Variants in NECAB2 observed in about 807,000 individuals in gnomAD.
NECAB2 encodes the protein N-terminal EF-hand calcium binding protein 2.
In NECAB2, 68 loss-of-function variants were observed where a neutral mutation model predicts 51.9. The observed-to-expected ratio is 1.31, with a 90% CI of 1.08 to 1.60. NECAB2 has a LOEUF of 1.60. NECAB2 is among the 40% of genes most tolerant of loss of function. The pLI is 0.00. For missense variants in NECAB2, 854 were observed against 490.3 expected, an observed-to-expected ratio of 1.74 and a Z score of -7.00; for synonymous variants, 329 against 203.5, an observed-to-expected ratio of 1.62 and a Z score of -5.25.
intron 1 of NECAB2, among the ~76,000 whole-genome samples, chr16:83,970,083 T>TCCCACTGAAAGTCCTGGGCAGAGCC (rs1331181814): frequency 7.9e-5 from 12 of 152,064 alleles, no homozygotes. Flanking sequence ...CCCGCAGAGC[T>TCCCACTGAAAGTCCTGGGCAGAGCC]CCCACTGAAA....
intron 5 of NECAB2, among the ~76,000 whole-genome samples, chr16:83,985,115 C>T (rs2084536045): frequency 6.6e-6 from 1 of 150,752 alleles, no homozygotes; most frequent in African/African-American, 2.4e-5. Flanking sequence ...GAGTTTGAGA[C>T]CAGCGTGGCC....
chr16:84,000,657 G>C (rs1292236038), intron 10 of NECAB2, 67 bp from the exon 11 acceptor site: 4 of 1,445,854 alleles, frequency 2.8e-6, no homozygotes, highest in Non-Finnish European at 3.9e-6. Context: ...GGCCACCCCA[G>C]GGGAACAGCA....
At chr16:83,994,157 T>C (rs2084663330) in intron 6 of NECAB2, 145 bp from the exon 7 acceptor site, 1 of 731,684 alleles carries the variant, frequency 1.4e-6, no homozygotes, top group Admixed American at 2.5e-5. Context: ...CATTTCCTCC[T>C]CTGTCAAAAC....
chr16:83,978,583 G>A (rs748344773), intron 3 of NECAB2, 31 bp downstream of exon 3: 2 of 1,551,154 alleles, frequency 1.3e-6, no homozygotes, highest in South Asian at 2.2e-5. Context: ...GCAGAGTGGG[G>A]GTGTGTGTGG....
intron 5 of NECAB2, among the ~76,000 whole-genome samples, chr16:83,982,287 C>T (rs558696819): frequency 9.8e-5 from 15 of 152,356 alleles, no homozygotes; most frequent in African/African-American, 2.6e-4. Context: ...TGGGCCTCCA[C>T]GATTCCACAT....
At position 83,990,560 on chromosome 16, in the gene NECAB2, C is replaced by T; in HGVS notation, c.526C>T (p.Gln176Ter). ...CTTCCTCCTGAAGGAGACGGCCAATCAGATCCAGTCGCTGCTGAGCTCAGT... is the reference window on the plus strand; with the variant it reads ...CTTCCTCCTGAAGGAGACGGCCAATTAGATCCAGTCGCTGCTGAGCTCAGT... ...TRFLLKETANQIQSLLSSVES... is the reference protein window; with the variant it reads ...TRFLLKETAN Residue 176 changes from glutamine (Q) to a stop codon, truncating the protein, a stop_gained, in exon 6 of 13, where the codon CAG (glutamine) becomes TAG (stop). Coordinates refer to ENST00000305202, the MANE Select transcript of NECAB2 (RefSeq NM_019065.3). LOFTEE classifies it high-confidence loss of function. The T allele has an allele frequency of 6.2e-7, 1 of 1,614,156 alleles. No individual in the cohort carries two copies. Among genetic ancestry groups the T allele is most frequent in the Non-Finnish European group, 8.5e-7 (1 of 1,180,040 alleles).
chr16:83,981,555 C>G (rs1366707111), intron 5 of NECAB2, among the ~76,000 whole-genome samples: 2 of 152,120 alleles, frequency 1.3e-5, no homozygotes, highest in African/African-American at 4.8e-5. Context: ...CTGGTTTAAT[C>G]CTCACAGCAA....
intron 5 of NECAB2, among the ~76,000 whole-genome samples, chr16:83,984,900 T>C (rs2084533693): frequency 1.3e-5 from 2 of 152,246 alleles, no homozygotes; most frequent in African/African-American, 2.4e-5. Context: ...CTTATTTATT[T>C]ATAGCTCCTA....
At chr16:83,966,200 G>A (rs534233458), upstream of NECAB2, 23 of 586,188 alleles carry the variant, frequency 3.9e-5, no homozygotes, top group South Asian at 3.0e-4. Context: ...AACAGCGGCC[G>A]CAGGCCAGGG....
chr16:83,995,067 A>AG (rs2084678246), intron 8 of NECAB2, among the ~76,000 whole-genome samples: 3 of 152,104 alleles, frequency 2.0e-5, no homozygotes, highest in African/African-American at 7.2e-5. Context: ...ACCAGGATGA[A>AG]AGAGAGACGT....
At chr16:83,984,854 T>C (rs950437781) in intron 5 of NECAB2, among the ~76,000 whole-genome samples, 5 of 152,256 alleles carry the variant, frequency 3.3e-5, no homozygotes, top group African/African-American at 1.2e-4. Context: ...AATAACAAGC[T>C]CCTGGCACAT....
intron 3 of NECAB2, 127 bp downstream of exon 3, chr16:83,978,679 A>G: frequency 1.3e-6 from 1 of 758,290 alleles, no homozygotes; most frequent in Non-Finnish European, 2.2e-6. Context: ...AAATTTGCTA[A>G]TCCAGAAGTC....
intron 6 of NECAB2, among the ~76,000 whole-genome samples, chr16:83,991,120 C>A (rs533916028): frequency 3.3e-5 from 5 of 151,812 alleles, no homozygotes; most frequent in Admixed American, 2.6e-4. Flanking sequence ...GTGGCTGGGA[C>A]TGCAGGTGTG....
chr16:83,998,556 C>T (rs1013332330), intron 10 of NECAB2, among the ~76,000 whole-genome samples: 2 of 152,110 alleles, frequency 1.3e-5, no homozygotes, highest in Non-Finnish European at 2.9e-5. Context: ...GGGGGACCAC[C>T]CCCAGGACTC....
At chr16:83,990,350 G>C (rs2084606313) in intron 5 of NECAB2, 144 bp from the exon 6 acceptor site, 1 of 1,050,072 alleles carries the variant, frequency 9.5e-7, no homozygotes. Context: ...TCTAAGACTG[G>C]ACCCCAGGAG....
At chr16:83,992,354 C>T (rs1171600179) in intron 6 of NECAB2, among the ~76,000 whole-genome samples, 4 of 148,916 alleles carry the variant, frequency 2.7e-5, no homozygotes, top group African/African-American at 7.7e-5. Context: ...GCAGTCCCAT[C>T]TCCCGGGGAA....
chr16:84,001,003 C>A (rs923455960), intron 11 of NECAB2, among the ~76,000 whole-genome samples: 1 of 152,202 alleles, frequency 6.6e-6, no homozygotes, highest in East Asian at 1.9e-4. Context: ...GCCCCCACCA[C>A]ACTCAGCTGG....
At chr16:83,998,019 C>T (rs978391774) in intron 9 of NECAB2, among the ~76,000 whole-genome samples, 186 bp from the exon 10 acceptor site, 34 of 150,162 alleles carry the variant, frequency 2.3e-4, no homozygotes, top group African/African-American at 7.8e-4. Context: ...CTGCACTGGG[C>T]TCTTGAGGTT....
intron 5 of NECAB2, among the ~76,000 whole-genome samples, chr16:83,990,121 A>G (rs975176193): frequency 2.0e-5 from 3 of 152,214 alleles, no homozygotes; most frequent in African/African-American, 4.8e-5. Flanking sequence ...CGTCATCTAT[A>G]TTGTAGCACC....
Sources: allele counts gnomAD v4.1 joint callset (sites outside exome capture counted in the v4.1 genomes callset), GRCh38; gene constraint gnomAD v4.1.1; transcripts MANE v1.5; gene names NCBI Gene and HGNC (gene_info 2026-07-23, HGNC 2026-07-21).